The following SLC13A3 variants were observed in gnomAD, a reference collection of about 807,000 sequenced individuals.
SLC13A3 encodes Na(+)/dicarboxylate cotransporter 3.
A neutral mutation model predicts 59.0 loss-of-function variants in SLC13A3; 40 were observed. That is an observed-to-expected ratio of 0.68 (90% CI 0.53 to 0.88). The LOEUF (loss-of-function observed/expected upper bound fraction) is 0.88, where lower values mean the gene tolerates loss of function less well. Among genes scored for constraint, SLC13A3 ranks in the 40% least tolerant of loss-of-function variants. The pLI is 0.00. For synonymous variants in SLC13A3, 317 were observed against 330.3 expected, an observed-to-expected ratio of 0.96 and a Z score of 0.44; for missense variants, 699 against 783.2, an observed-to-expected ratio of 0.89 and a Z score of 1.28.
At chr20:46,629,518 A>G (rs914420131) in intron 1 of SLC13A3, among the ~76,000 whole-genome samples, 29 of 152,294 alleles carry the variant, frequency 1.9e-4, no homozygotes, top group African/African-American at 6.7e-4. Context: ...AGGAACACCA[A>G]TTATGCTGAT....
chr20:46,677,963 T>TTGAAATTGTTTAACATTGGCATA (rs1403821891), intron 1 of SLC13A3, among the ~76,000 whole-genome samples: 1 of 152,240 alleles, frequency 6.6e-6, no homozygotes, highest in South Asian at 2.1e-4. Flanking sequence ...ATATGTATGT[T>TTGAAATTGTTTAACATTGGCATA]TGAAATTGTT....
At chr20:46,660,678 T>G (rs146010420) in intron 1 of SLC13A3, among the ~76,000 whole-genome samples, 190 of 152,336 alleles carry the variant, frequency 1.2e-3, no homozygotes, top group African/African-American at 4.3e-3. Context: ...TTGATGTCTT[T>G]CATCAATTTT....
intron 1 of SLC13A3, chr20:46,675,803 G>A (rs1370368597): frequency 2.0e-5 from 3 of 152,384 alleles, no homozygotes; most frequent in South Asian, 2.1e-4. Flanking sequence ...TGGGGACGAC[G>A]GCAGAAGTGG....
upstream of SLC13A3, among the ~76,000 whole-genome samples, chr20:46,656,047 A>C (rs1228275562): frequency 1.4e-5 from 2 of 143,996 alleles, no homozygotes; most frequent in Non-Finnish European, 3.0e-5. Flanking sequence ...AGTATACTAT[A>C]TATACATATA....
Position 46,596,294 on chromosome 20 carries a change from G to A in SLC13A3, c.657C>T (p.Asp219=), listed in dbSNP as rs201146991. The A allele has an allele frequency of 9.5e-5, 153 of 1,614,210 alleles. No individual in the cohort carries two copies. Among genetic ancestry groups the A allele is most frequent in the Middle Eastern group, 8.2e-4 (5 of 6,062 alleles). Residue 219 remains aspartate, a synonymous_variant, in exon 5 of 13, where the codon GAC becomes GAT. Coordinates refer to ENST00000279027, the MANE Select transcript of SLC13A3 (RefSeq NM_022829.6). The part of the protein sequence containing the change: ...ETEVPLDLPA[D]SRKEDEYRRN... Reference sequence around the variant, plus strand: ...GACGATATTCATCCTCCTTCCTGGAGTCAGCCGGCAGATCCAGTGGAACCT... The same window carrying A: ...GACGATATTCATCCTCCTTCCTGGAATCAGCCGGCAGATCCAGTGGAACCT...
chr20:46,590,973 A>G (rs2062248615), intron 6 of SLC13A3, among the ~76,000 whole-genome samples: 1 of 151,542 alleles, frequency 6.6e-6, no homozygotes, highest in Non-Finnish European at 1.5e-5. Context: ...AGCCTGGCCA[A>G]CAGAGTAAAC....
chr20:46,581,870 A>C (rs369228827), intron 9 of SLC13A3, among the ~76,000 whole-genome samples: 4 of 152,196 alleles, frequency 2.6e-5, no homozygotes, highest in African/African-American at 9.7e-5. Flanking sequence ...CATTTGGAAG[A>C]CTGACTGGAA....
chr20:46,562,654 A>T (rs562060449), intron 12 of SLC13A3, among the ~76,000 whole-genome samples: 9 of 152,004 alleles, frequency 5.9e-5, no homozygotes, highest in Non-Finnish European at 1.3e-4. Flanking sequence ...TGTCTCTCCC[A>T]CTCTGCAGTG....
chr20:46,602,817 C>A (rs2062392872), intron 3 of SLC13A3, among the ~76,000 whole-genome samples: 1 of 152,144 alleles, frequency 6.6e-6, no homozygotes, highest in Admixed American at 6.5e-5. Flanking sequence ...ATCCCTTAAT[C>A]TCCCTATACC....
intron 1 of SLC13A3, among the ~76,000 whole-genome samples, chr20:46,640,064 A>G (rs1390168877): frequency 2.6e-5 from 4 of 152,188 alleles, no homozygotes; most frequent in African/African-American, 9.6e-5. Context: ...CAAGCATATC[A>G]TGAGTGCTTA....
chr20:46,651,390 A>G lies in SLC13A3; in HGVS notation c.32T>C (p.Val11Ala), dbSNP rs2122888312. ...CACCAGCAGCCGCCGCGCGCTCCAC[A>G]CCTTCTTGGCCGCTGCTGCCAGCGC... MAALAAAAKK[V>A]WSARRLLVLL... The change falls in exon 1 of 13, where the codon GTG becomes GCG. Residue 11 changes from valine (V) to alanine (A), a missense_variant. Val to Ala is a moderately conservative substitution (Grantham distance 64). Coordinates refer to ENST00000279027, the MANE Select transcript of SLC13A3 (RefSeq NM_022829.6). 2.0e-6 allele frequency: 3 copies of G among 1,506,604 alleles called. No individual in the cohort carries two copies. The highest frequency in any genetic ancestry group is 4.3e-5 in the Admixed American group (2 of 46,898). The allele number at this position is 1,506,604 out of a possible 1,614,324, so 93.3% of individuals were successfully genotyped here.
At chr20:46,598,525 C>T (rs1481378436) in intron 4 of SLC13A3, among the ~76,000 whole-genome samples, 1 of 152,164 alleles carries the variant, frequency 6.6e-6, no homozygotes, top group East Asian at 1.9e-4. Flanking sequence ...TTGCAACAGA[C>T]CCAGTGCAAG....
intron 3 of SLC13A3, among the ~76,000 whole-genome samples, chr20:46,602,307 C>G (rs746657604): frequency 6.6e-6 from 1 of 152,110 alleles, no homozygotes; most frequent in African/African-American, 2.4e-5. Context: ...CTGCACTCCA[C>G]CTTGGGTGAC....
chr20:46,559,931 A>C lies in SLC13A3; in HGVS notation c.*91T>G. 1 of 1,322,698 alleles carries C rather than the reference A, an allele frequency of 7.6e-7. No homozygotes were observed. The highest frequency in any genetic ancestry group is 1.1e-6 in the Non-Finnish European group (1 of 943,550). 81.9% of individuals were successfully genotyped at this position (1,322,698 alleles called of 1,614,324 possible). ...TGCTGCATATTGGATTACAGAAAAG[A>C]ATTATTTGATTGTTTTGTAGTGTCC... is the stretch of plus-strand genomic sequence containing the variant. On this transcript the variant is annotated 3_prime_UTR_variant, in exon 13 of 13. Transcript: ENST00000279027.
chr20:46,582,707 C>A (rs1265833810), intron 9 of SLC13A3: 6 of 985,242 alleles, frequency 6.1e-6, no homozygotes, highest in East Asian at 1.1e-4. Flanking sequence ...AACCCTGACT[C>A]TTCCATGGCT....
chr20:46,575,305 G>T (rs563444195), intron 10 of SLC13A3, among the ~76,000 whole-genome samples: 4 of 152,174 alleles, frequency 2.6e-5, no homozygotes, highest in African/African-American at 9.7e-5. Context: ...CAGAGCCCTC[G>T]AGTCCTAGTA....
At chr20:46,676,262 G>A (rs540358267) in intron 1 of SLC13A3, among the ~76,000 whole-genome samples, 6 of 151,712 alleles carry the variant, frequency 4.0e-5, no homozygotes, top group Non-Finnish European at 8.8e-5. Flanking sequence ...ATATAAACAT[G>A]CCTGCAGTTT....
intron 10 of SLC13A3, among the ~76,000 whole-genome samples, chr20:46,569,731 C>T (rs979725502): frequency 2.6e-5 from 4 of 152,114 alleles, no homozygotes; most frequent in African/African-American, 9.7e-5. Flanking sequence ...CCTTAGTGGC[C>T]TTGAAGATGA....
intron 3 of SLC13A3, among the ~76,000 whole-genome samples, chr20:46,600,422 GA>G (rs202147579): frequency 0.022 from 2,995 of 134,440 alleles, 43 homozygotes; most frequent in Non-Finnish European, 0.033. Flanking sequence ...AGGAAGGAAG[GA>G]AAGGAAGGAA....
Sources: allele counts gnomAD v4.1 joint callset (sites outside exome capture counted in the v4.1 genomes callset), GRCh38; gene constraint gnomAD v4.1.1; transcripts MANE v1.5; gene names NCBI Gene and HGNC (gene_info 2026-07-23, HGNC 2026-07-21).